The following LRRCC1 variants were observed in gnomAD, a reference collection of about 807,000 sequenced individuals.
LRRCC1 encodes leucine rich repeat and coiled-coil centrosomal protein 1.
LRRCC1 carries 115 observed loss-of-function variants against 126.0 expected under a neutral mutation model. The ratio of observed to expected loss-of-function variants is 0.91; its 90% CI spans 0.78 to 1.07. The LOEUF (loss-of-function observed/expected upper bound fraction) is 1.07. Among genes scored for constraint, LRRCC1 ranks in the 50% least tolerant of loss-of-function variants. LRRCC1 has a pLI of 0.00. For missense variants in LRRCC1, 1,172 were observed against 1,175.7 expected (o/e 1.00, Z 0.05); for synonymous variants, 400 against 393.4 (o/e 1.02, Z -0.20).
At position 85,115,490 on chromosome 8, in the gene LRRCC1, C is replaced by G. The variant is rs756694580; in HGVS notation, c.836C>G (p.Ser279Cys). 8 of 1,613,698 alleles carry G rather than the reference C, an allele frequency of 5.0e-6. No individual in the cohort carries two copies. In the East Asian group the frequency reaches 1.8e-4, roughly 36 times the overall value. The change falls in exon 6 of 19, where the codon TCT (serine) becomes TGT (cysteine). Residue 279 changes from serine (S) to cysteine (C), a missense_variant. Coordinates refer to ENST00000360375, the MANE Select transcript of LRRCC1 (RefSeq NM_033402.5). ...ACGTCTTTTATGTCTGTGTGTCAAT[C>G]TTCTGAGCCAGAGAAAAATAATCAT... ...VLTSFMSVCQ[S>C]SEPEKNNHEN... is the part of the protein sequence containing the mutation.
At chr8:85,129,586 A>G (rs1271393801) in intron 10 of LRRCC1, among the ~76,000 whole-genome samples, 1 of 152,190 alleles carries the variant, frequency 6.6e-6, no homozygotes, top group Non-Finnish European at 1.5e-5. Flanking sequence ...TTAAAAAGAA[A>G]AGTTGATGGA....
At chr8:85,138,579 T>C (rs1811038135) in intron 17 of LRRCC1, 104 bp downstream of exon 17, 8 of 1,179,580 alleles carry the variant, frequency 6.8e-6, no homozygotes, top group South Asian at 1.6e-5. Context: ...ATGTAAGACA[T>C]AGTTATTTGC....
At chr8:85,119,658 TA>T (rs1809382186) in intron 6 of LRRCC1, among the ~76,000 whole-genome samples, 1 of 152,088 alleles carries the variant, frequency 6.6e-6, no homozygotes, top group South Asian at 2.1e-4. Flanking sequence ...CACACCCGGC[TA>T]ATTTTTGTAA....
rs1810750633 is a variant in LRRCC1 at position 85,135,017 on chromosome 8, A to G, written c.2139A>G (p.Thr713=). 6.5e-7 allele frequency: 1 copy of G among 1,542,264 alleles called. No homozygotes were observed. Among genetic ancestry groups the G allele is most frequent in the African/African-American group, 1.4e-5 (1 of 70,764 alleles). ...LAEVSKLKQE[T]AANLQNQINT... is the part of the protein sequence containing the mutation. ...AAGTTTCTAAATTGAAACAAGAAAC[A>G]GCAGCAAATTTACAGGTAAGACTTT... is the stretch of plus-strand genomic sequence containing the variant. Residue 713 remains threonine (T), a synonymous_variant, in exon 13 of 19, where the codon ACA becomes ACG. Transcript: ENST00000360375.
In LRRCC1 at chr8:85,115,381, G is replaced by A. The variant is rs1809036101; in HGVS notation, c.727G>A (p.Asp243Asn). The A allele has an allele frequency of 3.1e-6, 5 of 1,612,240 alleles. No homozygotes were observed. The highest frequency in any genetic ancestry group is 1.6e-4 in the Middle Eastern group (1 of 6,072). The change falls in exon 6 of 19, where the codon GAT (aspartate) becomes AAT (asparagine). Residue 243 changes from aspartate (D) to asparagine (N), a missense_variant. Physicochemically the swap from Asp to Asn is conservative, Grantham distance 23. Transcript: ENST00000360375. The stretch of plus-strand genomic sequence containing the variant: ...GTTTGTTTCTGTGTCATAGATCATT[G>A]ATAGAATGCCAGTGATAACAGCACC... ...PLNISEDEIIDRMPVITAPID... is the reference protein window; with the variant it reads ...PLNISEDEIINRMPVITAPID...
At position 85,107,260 on chromosome 8, in the gene LRRCC1, G is replaced by T. The variant is rs775075711; in HGVS notation, c.-36G>T. The T allele has an allele frequency of 1.9e-6, 3 of 1,580,594 alleles. No homozygotes were observed. In the South Asian group the frequency reaches 3.4e-5, roughly 18 times the overall value. On this transcript the variant is annotated 5_prime_UTR_variant, in exon 1 of 19. Transcript: ENST00000360375. ...CCCAAGCTCACGGACCCCTCGCTGG[G>T]TGCCGGTTAAGACCCCGCTCCCCGT...
In LRRCC1 at chr8:85,131,816, C is replaced by T. The variant is rs74357411; in HGVS notation, c.1823C>T (p.Ala608Val). 6 of 1,613,652 alleles carry T rather than the reference C, an allele frequency of 3.7e-6. No individual in the cohort carries two copies. In the Admixed American group the frequency reaches 1.0e-4, roughly 27 times the overall value. The change falls in exon 12 of 19, where the codon GCT (alanine) becomes GTT (valine). Residue 608 changes from alanine to valine, a missense_variant. Transcript: ENST00000360375. ...FTDADFQDAL[A>V]KEIAKEEKKH... ...GATGCTGACTTCCAGGATGCCTTAG[C>T]TAAAGAAATAGCCAAAGAAGAGAAA...
chr8:85,115,987 A>G (rs986136136), intron 6 of LRRCC1, among the ~76,000 whole-genome samples: 1 of 152,218 alleles, frequency 6.6e-6, no homozygotes, highest in African/African-American at 2.4e-5. Context: ...TCTACAACTT[A>G]TAGCTAAATG....
chr8:85,107,343 C>G lies in LRRCC1; in HGVS notation c.48C>G (p.Asn16Lys). 3 of 1,613,742 alleles carry G rather than the reference C, an allele frequency of 1.9e-6. No homozygotes were observed. Among genetic ancestry groups the G allele is most frequent in the East Asian group, 2.2e-5 (1 of 44,852 alleles). Reference sequence around the variant, plus strand: ...TGGCGGCAGAGGCGGAAGTGGAAAACGAAGACGGCGACAGCAGCTGCGGGG... The same window carrying G: ...TGGCGGCAGAGGCGGAAGTGGAAAAGGAAGACGGCGACAGCAGCTGCGGGG... ...AVVAAEAEVE[N>K]EDGDSSCGDV... is the part of the protein sequence containing the mutation. The change falls in exon 1 of 19, where the codon AAC (asparagine) becomes AAG (lysine). Residue 16 changes from asparagine (N) to lysine (K), a missense_variant. Physicochemically the swap from Asn to Lys is moderately conservative, Grantham distance 94 (BLOSUM62 0). Coordinates refer to ENST00000360375, the MANE Select transcript of LRRCC1 (RefSeq NM_033402.5).
chr8:85,113,031 G>C lies in LRRCC1; in HGVS notation c.476G>C (p.Gly159Ala). The part of the protein sequence containing the change: ...SIHHLLQCMV[G>A]LHFLTNLILE... ...CATCACTTACTTCAGTGTATGGTAGGATTGCACTTCCTGACCAATCTTATT... is the reference window on the plus strand; with the variant it reads ...CATCACTTACTTCAGTGTATGGTAGCATTGCACTTCCTGACCAATCTTATT... The change falls in exon 4 of 19, where the codon GGA (glycine) becomes GCA (alanine). Residue 159 changes from glycine (G) to alanine (A), a missense_variant. Physicochemically the swap from Gly to Ala is moderately conservative, Grantham distance 60. Coordinates refer to ENST00000360375, the MANE Select transcript of LRRCC1 (RefSeq NM_033402.5). 1 of 1,612,302 alleles carries C rather than the reference G, an allele frequency of 6.2e-7. No individual in the cohort carries two copies. The highest frequency in any genetic ancestry group is 8.5e-7 in the Non-Finnish European group (1 of 1,178,698).
chr8:85,118,141 TTTGTG>T (rs1271935229), intron 6 of LRRCC1, among the ~76,000 whole-genome samples: 1 of 152,108 alleles, frequency 6.6e-6, no homozygotes, highest in East Asian at 1.9e-4. Flanking sequence ...TGTATACTCT[TTTGTG>T]TAGGGCTTCT....
chr8:85,123,666 C>T lies in LRRCC1; in HGVS notation c.1124+60C>T. On this transcript the variant is annotated intron_variant, in intron 7 of 18. Transcript: ENST00000360375. ...AGAAGTTAATAATGCTGGCTTCTCT[C>T]TTGAAGCTATCTCTTGGTGATATTT... is the stretch of plus-strand genomic sequence containing the variant. 3 of 1,218,158 alleles carry T rather than the reference C, an allele frequency of 2.5e-6. No individual in the cohort carries two copies. In the Admixed American group the frequency reaches 7.9e-5, roughly 32 times the overall value. The allele number at this position is 1,218,158 out of a possible 1,614,324, so 75.5% of individuals were successfully genotyped here.
chr8:85,115,731 G>T (rs928099702), intron 6 of LRRCC1, 147 bp downstream of exon 6: 4 of 610,150 alleles, frequency 6.6e-6, no homozygotes, highest in South Asian at 4.2e-5. Context: ...CAGAAATAGG[G>T]TTCTATTATT....
rs775087447 is a variant in LRRCC1, at chr8:85,131,859, A to G, written c.1866A>G (p.Ile622Met). ...AKEEKKHEQMIKEYQEKIDVL... is the reference protein window; with the variant it reads ...AKEEKKHEQMMKEYQEKIDVL... ...AAGAGAAAAAGCATGAGCAAATGAT[A>G]AAAGAATACCAAGAGAAAATTGACG... The change falls in exon 12 of 19, where the codon ATA (isoleucine) becomes ATG (methionine). Residue 622 changes from isoleucine (I) to methionine (M), a missense_variant. Physicochemically the swap from Ile to Met is conservative, Grantham distance 10. Coordinates refer to ENST00000360375, the MANE Select transcript of LRRCC1 (RefSeq NM_033402.5). 2 of 1,613,862 alleles carry G rather than the reference A, an allele frequency of 1.2e-6. No individual in the cohort carries two copies. Among genetic ancestry groups the G allele is most frequent in the Non-Finnish European group, 8.5e-7 (1 of 1,179,824 alleles).
At chr8:85,137,686 T>TACTTTGATC in intron 15 of LRRCC1, 59 bp downstream of exon 15, 1 of 1,227,794 alleles carries the variant, frequency 8.1e-7, no homozygotes, top group Non-Finnish European at 1.1e-6. Context: ...AATCTTTGGA[T>TACTTTGATC]CAAAGTATCC....
At chr8:85,130,174 C>T (rs1023662276) in intron 11 of LRRCC1, 116 bp downstream of exon 11, 12 of 746,124 alleles carry the variant, frequency 1.6e-5, no homozygotes, top group East Asian at 6.8e-5. Context: ...CTTGCTCTGT[C>T]GTCCAGGCTG....
At chr8:85,107,509 A>G (rs1023787245) in intron 1 of LRRCC1, 110 bp downstream of exon 1, 2 of 920,508 alleles carry the variant, frequency 2.2e-6, no homozygotes, top group East Asian at 2.6e-5. Flanking sequence ...TACCAAGACC[A>G]TAAGTGAACG....
intron 6 of LRRCC1, among the ~76,000 whole-genome samples, chr8:85,122,047 G>C (rs1426677829): frequency 6.6e-6 from 1 of 152,120 alleles, no homozygotes; most frequent in African/African-American, 2.4e-5. Flanking sequence ...TTCACTGAAT[G>C]TAGAATTCTC....
chr8:85,113,091 G>C lies in LRRCC1; in HGVS notation c.536G>C (p.Arg179Pro). Reference protein sequence around the residue: ...EKDGDDNPVCRLPGYRAVILQ... With the variant: ...EKDGDDNPVCPLPGYRAVILQ... The stretch of plus-strand genomic sequence containing the variant: ...GATGGAGACGATAATCCTGTCTGTC[G>C]ACTGCCAGGTATGAATAATTAATTT... Residue 179 changes from arginine to proline, a missense_variant, in exon 4 of 19, where the codon CGA becomes CCA. Arg to Pro is a moderately radical substitution (Grantham distance 103). Transcript: ENST00000360375. The C allele has an allele frequency of 6.2e-7, 1 of 1,605,202 alleles. No homozygotes were observed. The highest frequency in any genetic ancestry group is 8.5e-7 in the Non-Finnish European group (1 of 1,176,310).
Sources: gnomAD v4.1 joint callset for allele counts (sites outside exome capture counted in the v4.1 genomes callset) on GRCh38, gnomAD v4.1.1 for gene constraint, MANE v1.5 for transcripts, NCBI Gene and HGNC (gene_info 2026-07-23, HGNC 2026-07-21) for gene names.